Variants in COL9A3 observed in about 807,000 individuals in gnomAD.
COL9A3 encodes collagen alpha-3(IX) chain.
In COL9A3, 82 loss-of-function variants were observed where a neutral mutation model predicts 110.2. The ratio of observed to expected loss-of-function variants is 0.74; its 90% CI spans 0.62 to 0.89. The LOEUF is 0.89. Ranked by LOEUF, COL9A3 falls within the 40% of genes least tolerant of loss-of-function variation. The pLI is 0.00. For missense variants in COL9A3, 1,066 were observed against 981.3 expected (o/e 1.09, Z -1.15); for synonymous variants, 494 against 403.8 (o/e 1.22, Z -2.68).
At chr20:62,839,839 C>A (rs2063662036) in intron 31 of COL9A3, among the ~76,000 whole-genome samples, 1 of 152,034 alleles carries the variant, frequency 6.6e-6, no homozygotes, top group Admixed American at 6.6e-5. Context: ...TCTGGGTGCC[C>A]TGGAGCCCTC....
At chr20:62,821,572 G>T in intron 7 of COL9A3, 42 bp downstream of exon 7, 1 of 1,612,536 alleles carries the variant, frequency 6.2e-7, no homozygotes. Flanking sequence ...AAGCACGCAA[G>T]TCCCGAGAGC....
intron 12 of COL9A3, 95 bp downstream of exon 12, chr20:62,825,116 T>G: frequency 9.6e-6 from 1 of 104,412 alleles, no homozygotes. Context: ...AGGGAGGGGC[T>G]GGGCTCCGGC....
Position 62,818,548 on chromosome 20 carries a change from C to T in COL9A3, c.178C>T (p.Pro60Ser), listed in dbSNP as rs766431560. Residue 60 changes from proline (P) to serine (S), a missense_variant, in exon 3 of 32, where the codon CCC becomes TCC. Pro to Ser is a moderately conservative substitution (Grantham distance 74). Coordinates refer to ENST00000649368, the MANE Select transcript of COL9A3 (RefSeq NM_001853.4). ...GEAGPPGLPG[P>S]PGPKGAPGKP... The stretch of plus-strand genomic sequence containing the variant: ...AGCTGGTCCTCCAGGTCTGCCTGGG[C>T]CCCCGGTGAGTGTCCCTGGCTGGGG... 8 of 1,612,578 alleles carry T rather than the reference C, an allele frequency of 5.0e-6. No homozygotes were observed. Among genetic ancestry groups the T allele is most frequent in the Non-Finnish European group, 5.9e-6 (7 of 1,179,580 alleles).
Position 62,830,394 on chromosome 20 carries a change from C to T in COL9A3, c.1196C>T (p.Pro399Leu), listed in dbSNP as rs1285020283. 6.4e-7 allele frequency: 1 copy of T among 1,572,396 alleles called. No individual in the cohort carries two copies. Among genetic ancestry groups the T allele is most frequent in the African/African-American group, 1.3e-5 (1 of 74,134 alleles). Residue 399 changes from proline to leucine, a missense_variant, in exon 23 of 32, where the codon CCT becomes CTT. By Grantham distance (98) the Pro-to-Leu change is moderately conservative. Transcript: ENST00000649368. ...GGCCCACAAGGCCCTCCCGGAGCCC[C>T]TGGTGTCCGAGGCTTCCAGGTGGGT... ...ALGPQGPPGAPGVRGFQGQKG... is the reference protein window; with the variant it reads ...ALGPQGPPGALGVRGFQGQKG...
At chr20:62,829,967 A>C in intron 22 of COL9A3, 148 bp downstream of exon 22, 1 of 1,045,036 alleles carries the variant, frequency 9.6e-7, no homozygotes, top group Non-Finnish European at 1.4e-6. Context: ...GTGGGGCCCC[A>C]TCTTCTTGTC....
At chr20:62,836,411 G>C in intron 28 of COL9A3, 67 bp from the exon 29 acceptor site, 1 of 1,613,866 alleles carries the variant, frequency 6.2e-7, no homozygotes, top group Non-Finnish European at 8.5e-7. Context: ...ACTTTGCGGG[G>C]TGACGGTGGG....
At chr20:62,829,581 C>T in intron 20 of COL9A3, 47 bp from the exon 21 acceptor site, 1 of 1,610,856 alleles carries the variant, frequency 6.2e-7, no homozygotes, top group East Asian at 2.2e-5. Flanking sequence ...GCGACCTGGC[C>T]CCAGTGCAGG....
intron 30 of COL9A3, among the ~76,000 whole-genome samples, 163 bp downstream of exon 30, chr20:62,837,428 A>T (rs1260588937): frequency 6.6e-6 from 1 of 152,254 alleles, no homozygotes; most frequent in East Asian, 1.9e-4. Flanking sequence ...ACTCCTTGGT[A>T]ATCCTGTGGG....
chr20:62,834,746 G>A (rs1470027442), intron 26 of COL9A3, among the ~76,000 whole-genome samples: 9 of 152,036 alleles, frequency 5.9e-5, no homozygotes, highest in African/African-American at 7.2e-5. Context: ...GCGTTCAAGC[G>A]ATTCTCCTGC....
rs202155096 is a variant in COL9A3, at chr20:62,830,633, C to T, written c.1287+45C>T. 8.3e-4 allele frequency: 1,165 copies of T among 1,409,594 alleles called. 29 individuals are homozygous for T. The African/African-American group carries it at 0.015, about 18-fold the overall frequency. The allele number at this position is 1,409,594 out of a possible 1,614,324, so 87.3% of individuals were successfully genotyped here. On this transcript the variant is annotated intron_variant, in intron 24 of 31. Coordinates refer to ENST00000649368, the MANE Select transcript of COL9A3 (RefSeq NM_001853.4). ...GGAAGCTCCCCTGCACCCCCTCTAC[C>T]CATGTACCACAGTCCCCCACCCCCA...
At chr20:62,817,840 T>C (rs1444590564) in intron 2 of COL9A3, 1 of 677,762 alleles carries the variant, frequency 1.5e-6, no homozygotes, top group Admixed American at 2.1e-5. Flanking sequence ...TGTCATGTGG[T>C]GGTCCTCCAC....
At chr20:62,826,472 G>A (rs372941221) in intron 14 of COL9A3, among the ~76,000 whole-genome samples, 1 of 152,158 alleles carries the variant, frequency 6.6e-6, no homozygotes, top group Non-Finnish European at 1.5e-5. Context: ...ATGCCCGCAC[G>A]CGGTCCCAGG....
intron 25 of COL9A3, 152 bp from the exon 26 acceptor site, chr20:62,832,868 C>G: frequency 1.4e-6 from 1 of 710,576 alleles, no homozygotes; most frequent in Non-Finnish European, 2.6e-6. Flanking sequence ...GTGTTTGGAG[C>G]GGGTTAAAAG....
chr20:62,831,928 G>A (rs879883515), intron 24 of COL9A3: 18 of 610,762 alleles, frequency 2.9e-5, no homozygotes, highest in African/African-American at 1.7e-4. Context: ...CAAACCTAAC[G>A]GGACTTCACT....
At chr20:62,840,399 C>T in intron 31 of COL9A3, 143 bp from the exon 32 acceptor site, 4 of 812,390 alleles carry the variant, frequency 4.9e-6, no homozygotes, top group Non-Finnish European at 6.2e-6. Flanking sequence ...TGTGCCGTTC[C>T]CTCGGCCTCC....
chr20:62,832,643 GA>G (rs746417947), intron 25 of COL9A3, among the ~76,000 whole-genome samples: 1 of 116,998 alleles, frequency 8.5e-6, no homozygotes, highest in Admixed American at 8.5e-5. Flanking sequence ...CTTCTTTTTG[GA>G]AAAGTGTCAG....
At chr20:62,826,406 T>C (rs1356262153) in intron 14 of COL9A3, 149 bp downstream of exon 14, 2 of 786,880 alleles carry the variant, frequency 2.5e-6, no homozygotes, top group African/African-American at 1.7e-5. Context: ...CAGGCCTTGC[T>C]CTGGGCCCCT....
chr20:62,826,746 G>T, intron 14 of COL9A3, 21 bp from the exon 15 acceptor site: 1 of 1,612,278 alleles, frequency 6.2e-7, no homozygotes, highest in South Asian at 1.1e-5. Context: ...GAGGACCCCG[G>T]ATCCCCTCTC....
chr20:62,821,857 TC>T, intron 8 of COL9A3, 47 bp downstream of exon 8: 3 of 1,123,884 alleles, frequency 2.7e-6, no homozygotes, highest in Non-Finnish European at 4.0e-6. Flanking sequence ...ACCTGTGGCC[TC>T]CACCCCCAGA....
Sources: gnomAD v4.1 joint callset for allele counts (sites outside exome capture counted in the v4.1 genomes callset) on GRCh38, gnomAD v4.1.1 for gene constraint, MANE v1.5 for transcripts, NCBI Gene and HGNC (gene_info 2026-07-23, HGNC 2026-07-21) for gene names.